The following GCN1 variants were observed in gnomAD, a reference collection of about 807,000 sequenced individuals.
GCN1 encodes stalled ribosome sensor GCN1.
In GCN1, 90 loss-of-function variants were observed where a neutral mutation model predicts 288.4. The ratio of observed to expected loss-of-function variants is 0.31; its 90% CI spans 0.26 to 0.37. GCN1 has a LOEUF of 0.37. Ranked by LOEUF, GCN1 falls within the 10% of genes least tolerant of loss-of-function variation. The pLI is 1.00. For synonymous variants in GCN1, 1,386 were observed against 1,420.2 expected (o/e 0.98, Z 0.54); for missense variants, 2,586 against 3,419.9 (o/e 0.76, Z 6.08).
chr12:120,132,439 G>A (rs898804604), intron 53 of GCN1, among the ~76,000 whole-genome samples: 1 of 152,160 alleles, frequency 6.6e-6, no homozygotes, highest in Admixed American at 6.5e-5. Flanking sequence ...CCAGCCACCA[G>A]GGAAGCCGGC....
intron 46 of GCN1, 106 bp downstream of exon 46, chr12:120,138,589 A>G: frequency 8.7e-7 from 1 of 1,149,622 alleles, no homozygotes; most frequent in Non-Finnish European, 1.3e-6. Flanking sequence ...CTCCCTCTGG[A>G]GGGCCCACAT....
chr12:120,152,413 A>AAATATATATATATAAATATATATATAT (rs1877590617), intron 33 of GCN1, among the ~76,000 whole-genome samples: 2 of 132,936 alleles, frequency 1.5e-5, no homozygotes, highest in African/African-American at 5.9e-5. Flanking sequence ...ACACACACAA[A>AAATATATATATATAAATATATATATAT]ATATATATAT....
chr12:120,145,878 T>C (rs911972559), intron 38 of GCN1, among the ~76,000 whole-genome samples: 4 of 152,236 alleles, frequency 2.6e-5, no homozygotes, highest in Non-Finnish European at 5.9e-5. Flanking sequence ...TGAGATATTA[T>C]GTAACTATTA....
Position 120,137,883 on chromosome 12 carries a change from A to G in GCN1, c.6393+18T>C. On this transcript the variant is annotated intron_variant, in intron 48 of 57. Coordinates refer to ENST00000300648, the MANE Select transcript of GCN1 (RefSeq NM_006836.2). This position sits in a 1 kb window ranked among gnomAD's most constrained non-coding sequence, Gnocchi z 5.2. ...GGCAGACGGGACATGAGAAAGCAGG[A>G]GCAGGCTCGCCCCTTACCAGCTGCT... is the stretch of plus-strand genomic sequence containing the variant. 1.2e-6 allele frequency: 2 copies of G among 1,613,704 alleles called. No individual in the cohort carries two copies. Among genetic ancestry groups the G allele is most frequent in the Non-Finnish European group, 1.7e-6 (2 of 1,179,610 alleles).
At chr12:120,189,217 C>T (rs971396360) in intron 2 of GCN1, among the ~76,000 whole-genome samples, 4 of 151,458 alleles carry the variant, frequency 2.6e-5, no homozygotes, top group African/African-American at 9.7e-5. Context: ...GGATTACAGG[C>T]GTGCGTCACC....
intron 5 of GCN1, among the ~76,000 whole-genome samples, chr12:120,180,265 G>A (rs1014442240): frequency 2.0e-5 from 3 of 151,064 alleles, no homozygotes; most frequent in African/African-American, 4.9e-5. Context: ...CAGAGGTTGC[G>A]GTGAGCCGAG....
chr12:120,149,380 C>G (rs1403506853), intron 36 of GCN1, among the ~76,000 whole-genome samples: 1 of 152,070 alleles, frequency 6.6e-6, no homozygotes, highest in Non-Finnish European at 1.5e-5. Flanking sequence ...CAAAAATTAG[C>G]CAGGTGTAGT....
intron 20 of GCN1, 57 bp downstream of exon 20, chr12:120,162,788 ACT>A: frequency 2.5e-6 from 4 of 1,571,512 alleles, no homozygotes; most frequent in Non-Finnish European, 3.5e-6. Flanking sequence ...CTTCCTGTAC[ACT>A]GTGATGAGAG....
chr12:120,185,429 A>G (rs1309060643), intron 2 of GCN1, among the ~76,000 whole-genome samples: 1 of 152,196 alleles, frequency 6.6e-6, no homozygotes, highest in African/African-American at 2.4e-5. Flanking sequence ...AGGGAGATAC[A>G]TGTAGAGTGC....
rs780647967 is a variant in GCN1 at position 120,164,457 on chromosome 12, C to T, written c.1727G>A (p.Arg576His). 7.4e-6 allele frequency: 12 copies of T among 1,613,980 alleles called. No homozygotes were observed. The highest frequency in any genetic ancestry group is 1.6e-4 in the Middle Eastern group (1 of 6,082). ...HRALVAVLLSRTWHVRRQAQQ... is the reference protein window; with the variant it reads ...HRALVAVLLSHTWHVRRQAQQ... Reference sequence around the variant, plus strand: ...AGCCTGCCTGCGGACGTGCCAGGTGCGGCTCAGGAGCACCGCCACCAGAGC... The same window carrying T: ...AGCCTGCCTGCGGACGTGCCAGGTGTGGCTCAGGAGCACCGCCACCAGAGC... Residue 576 changes from arginine (R) to histidine (H), a missense_variant, in exon 18 of 58, where the codon CGC becomes CAC. Arg to His is a conservative substitution (Grantham distance 29, BLOSUM62 0). This residue lies in a region of GCN1 where 913 missense variants were observed against 1,107.0 expected (regional missense o/e 0.82). Transcript: ENST00000300648.
chr12:120,142,520 G>C lies in GCN1; in HGVS notation c.5816C>G (p.Ala1939Gly), dbSNP rs1877229931. The C allele has an allele frequency of 6.2e-7, 1 of 1,613,434 alleles. No homozygotes were observed. The highest frequency in any genetic ancestry group is 1.3e-5 in the African/African-American group (1 of 75,010). Reference sequence around the variant, plus strand: ...CAGGAAACTCACCGTTCTCTTATCTGCACACGTGCTGGCCAGGAAACCCAG... The same window carrying C: ...CAGGAAACTCACCGTTCTCTTATCTCCACACGTGCTGGCCAGGAAACCCAG... ...LLLGFLASTC[A>G]DKRTIAARTL... Residue 1939 changes from alanine to glycine, a missense_variant, in exon 44 of 58, where the codon GCA (alanine) becomes GGA (glycine). By Grantham distance (60) the Ala-to-Gly change is moderately conservative (BLOSUM62 0). Transcript: ENST00000300648. The surrounding 1 kb of genome is among the most constrained non-coding windows in gnomAD (Gnocchi z 4.9).
Position 120,153,975 on chromosome 12 carries a change from T to C in GCN1, c.3702-66A>G, listed in dbSNP as rs1351274080. 1.4e-6 allele frequency: 2 copies of C among 1,393,354 alleles called. No individual in the cohort carries two copies. Among genetic ancestry groups the C allele is most frequent in the Admixed American group, 1.9e-5 (1 of 53,190 alleles). The allele number at this position is 1,393,354 out of a possible 1,614,324, so 86.3% of individuals were successfully genotyped here. On this transcript the variant is annotated intron_variant, in intron 31 of 57. Coordinates refer to ENST00000300648, the MANE Select transcript of GCN1 (RefSeq NM_006836.2). This position sits in a 1 kb window ranked among gnomAD's most constrained non-coding sequence, Gnocchi z 4.4. ...GGGCCTCCTCTGCCAGTGGAACCTC[T>C]GCTGGTGCACGGCAAGGAGAGGGAG...
rs769951214 is a variant in GCN1 at position 120,127,696 on chromosome 12, GTTTGA to G, written c.*148_*152del. On this transcript the variant is annotated 3_prime_UTR_variant, in exon 58 of 58. Transcript: ENST00000300648. The stretch of plus-strand genomic sequence containing the variant: ...GGAGGCAATTTTCAGTTGTGTGTGG[GTTTGA>G]TTTAAGGCTTTGGCTGTGGTCTATT... 29 of 853,516 alleles carry G rather than the reference GTTTGA, an allele frequency of 3.4e-5. No homozygotes were observed. The highest frequency in any genetic ancestry group is 5.1e-5 in the Non-Finnish European group (28 of 546,224). 52.9% of individuals were successfully genotyped at this position (853,516 alleles called of 1,614,324 possible).
At chr12:120,159,008 T>C (rs1289325804) in intron 24 of GCN1, among the ~76,000 whole-genome samples, 4 of 146,088 alleles carry the variant, frequency 2.7e-5, no homozygotes, top group Non-Finnish European at 4.5e-5. Flanking sequence ...TAAGACTCCG[T>C]CTCAAAAAAA....
chr12:120,176,406 C>G (rs911595075), intron 9 of GCN1, among the ~76,000 whole-genome samples, 189 bp from the exon 10 acceptor site: 1 of 152,154 alleles, frequency 6.6e-6, no homozygotes, highest in East Asian at 1.9e-4. Context: ...GCAAAAATTG[C>G]CTTTCCAACA....
chr12:120,141,821 C>T (rs186201316), intron 44 of GCN1, among the ~76,000 whole-genome samples: 1 of 152,364 alleles, frequency 6.6e-6, no homozygotes, highest in African/African-American at 2.4e-5. Context: ...GCCCATCCCT[C>T]CCCAGCAGGT....
chr12:120,130,787 C>T (rs2139079260), intron 55 of GCN1, 34 bp from the exon 56 acceptor site: 3 of 1,397,304 alleles, frequency 2.1e-6, no homozygotes, highest in Non-Finnish European at 3.0e-6. Context: ...ACGGGAGGCC[C>T]CCCACCCCTT....
intron 44 of GCN1, among the ~76,000 whole-genome samples, chr12:120,141,663 G>A (rs1350907748): frequency 1.3e-5 from 2 of 152,166 alleles, no homozygotes; most frequent in East Asian, 1.9e-4. Context: ...TGCCCACCAC[G>A]GGACCTCTGC....
chr12:120,188,605 G>C (rs991959173), intron 2 of GCN1, among the ~76,000 whole-genome samples: 1 of 152,092 alleles, frequency 6.6e-6, no homozygotes, highest in Non-Finnish European at 1.5e-5. Context: ...GCTCACACCT[G>C]TAATTCCAGC....
Sources: gnomAD v4.1 joint callset for allele counts (sites outside exome capture counted in the v4.1 genomes callset) on GRCh38, gnomAD v4.1.1 for gene constraint, gnomAD v4.1.1 regional missense constraint, Gnocchi (gnomAD v3.1) non-coding constraint, MANE v1.5 for transcripts, NCBI Gene and HGNC (gene_info 2026-07-23, HGNC 2026-07-21) for gene names.